Variants in DRC8 observed in about 807,000 individuals in gnomAD.
DRC8 encodes the protein dynein regulatory complex protein 8.
chr1:244,977,824 T>C, the DRC8 span, among the ~76,000 whole-genome samples: 10 of 152,242 alleles, frequency 6.6e-5, no homozygotes, highest in African/African-American at 2.4e-4. Flanking sequence ...TTTGAAAATA[T>C]AGATAACATT....
the DRC8 span, among the ~76,000 whole-genome samples, chr1:245,001,829 G>C: frequency 2.0e-5 from 3 of 151,844 alleles, no homozygotes; most frequent in Non-Finnish European, 4.4e-5. Flanking sequence ...TTTTTCTCTT[G>C]GTTCTGCCAA....
the DRC8 span, chr1:245,083,804 T>C: frequency 2.8e-6 from 4 of 1,414,236 alleles, no homozygotes; most frequent in Non-Finnish European, 3.7e-6. Context: ...TGAAAGTTAT[T>C]TACTGTTCCT....
the DRC8 span, among the ~76,000 whole-genome samples, chr1:245,020,613 CTTTTTTT>C: frequency 2.0e-3 from 120 of 59,718 alleles, no homozygotes; most frequent in African/African-American, 7.5e-3. Context: ...GTTTTTCTTT[CTTTTTTT>C]TTTTTTTTTT....
the DRC8 span, among the ~76,000 whole-genome samples, chr1:245,014,477 CTG>C: frequency 1.3e-5 from 2 of 151,932 alleles, no homozygotes; most frequent in Admixed American, 6.6e-5. Flanking sequence ...AAGTTTATTG[CTG>C]TGTTATAATA....
the DRC8 span, among the ~76,000 whole-genome samples, chr1:245,001,283 A>G: frequency 6.6e-6 from 1 of 152,178 alleles, no homozygotes; most frequent in African/African-American, 2.4e-5. Flanking sequence ...TAGCCTATAA[A>G]GGATCAAGGA....
the DRC8 span, among the ~76,000 whole-genome samples, chr1:244,989,477 T>TG: frequency 6.6e-6 from 1 of 152,166 alleles, no homozygotes; most frequent in African/African-American, 2.4e-5. Context: ...GTGTCCTGAT[T>TG]AGACTGGTGG....
chr1:245,112,993 A>G, the DRC8 span, among the ~76,000 whole-genome samples: 1 of 152,120 alleles, frequency 6.6e-6, no homozygotes, highest in Non-Finnish European at 1.5e-5. Flanking sequence ...ACCTCAAGTG[A>G]TCCACCTGCC....
the DRC8 span, among the ~76,000 whole-genome samples, chr1:245,080,493 T>C: frequency 1.3e-5 from 2 of 152,222 alleles, no homozygotes; most frequent in Admixed American, 6.5e-5. Flanking sequence ...AGATCGTGAT[T>C]GGTCCCCTCA....
At chr1:244,970,772 C>T in the DRC8 span, 2 of 377,298 alleles carry the variant, frequency 5.3e-6, no homozygotes, top group Non-Finnish European at 9.3e-6. Flanking sequence ...CCTCCTCCCG[C>T]CCCGTCCTCC....
the DRC8 span, among the ~76,000 whole-genome samples, chr1:245,094,866 T>G: frequency 1.3e-5 from 2 of 152,370 alleles, no homozygotes; most frequent in East Asian, 1.9e-4. Context: ...TTACTAATGC[T>G]TTGCTTCATC....
chr1:244,993,019 A>G, the DRC8 span, among the ~76,000 whole-genome samples: 25 of 152,318 alleles, frequency 1.6e-4, no homozygotes, highest in African/African-American at 5.5e-4. Flanking sequence ...GAGACTCTCT[A>G]TAGGCCACTT....
chr1:245,030,778 C>CCTCTTCCATCT, the DRC8 span: 1 of 152,392 alleles, frequency 6.6e-6, no homozygotes, highest in African/African-American at 2.4e-5. Flanking sequence ...CTGTGCCGTT[C>CCTCTTCCATCT]CTCTTCCATC....
chr1:245,017,030 C>G, the DRC8 span, among the ~76,000 whole-genome samples: 1 of 152,220 alleles, frequency 6.6e-6, no homozygotes, highest in African/African-American at 2.4e-5. Context: ...GCACCTTTAC[C>G]ATATGTATAT....
At chr1:245,001,680 T>C in the DRC8 span, among the ~76,000 whole-genome samples, 37 of 152,174 alleles carry the variant, frequency 2.4e-4, no homozygotes, top group Non-Finnish European at 5.3e-4. Context: ...CAGATACACA[T>C]ATTGTGCCCA....
At chr1:245,006,364 T>C in the DRC8 span, among the ~76,000 whole-genome samples, 2 of 151,990 alleles carry the variant, frequency 1.3e-5, no homozygotes, top group East Asian at 3.9e-4. Context: ...CAGCCTGGAG[T>C]GCAATGGTGC....
chr1:245,004,509 C>T, the DRC8 span, among the ~76,000 whole-genome samples: 3 of 151,540 alleles, frequency 2.0e-5, no homozygotes, highest in Non-Finnish European at 2.9e-5. Flanking sequence ...TCCTGAGTAG[C>T]GGGGACTATA....
the DRC8 span, among the ~76,000 whole-genome samples, chr1:245,042,324 A>G: frequency 3.9e-5 from 6 of 152,250 alleles, no homozygotes; most frequent in East Asian, 9.6e-4. Context: ...ATAGGACTAT[A>G]TAAGAAATAA....
chr1:245,057,271 C>G, the DRC8 span, among the ~76,000 whole-genome samples: 2 of 152,126 alleles, frequency 1.3e-5, no homozygotes, highest in African/African-American at 4.8e-5. Context: ...TTAGGCGAAA[C>G]TTATATAGGT....
At chr1:244,986,806 A>AGATAATGAT in the DRC8 span, among the ~76,000 whole-genome samples, 3 of 151,948 alleles carry the variant, frequency 2.0e-5, no homozygotes, top group African/African-American at 7.3e-5. Flanking sequence ...CGGCAAGAGC[A>AGATAATGAT]GATAATGATG....
Sources: allele counts gnomAD v4.1 joint callset (sites outside exome capture counted in the v4.1 genomes callset), GRCh38; gene constraint gnomAD v4.1.1; transcripts MANE v1.5; gene names NCBI Gene and HGNC (gene_info 2026-07-23, HGNC 2026-07-21).